Variants in PARD3 observed in about 807,000 individuals in gnomAD.
PARD3 encodes par-3 family cell polarity regulator, also known as partitioning defective 3 homolog.
PARD3 carries 75 observed loss-of-function variants against 155.4 expected under a neutral mutation model. The observed-to-expected ratio is 0.48, with a 90% CI of 0.40 to 0.58. The LOEUF (loss-of-function observed/expected upper bound fraction) is 0.58, where lower values mean the gene tolerates loss of function less well. Ranked by LOEUF, PARD3 falls within the 20% of genes least tolerant of loss-of-function variation. The probability of loss-of-function intolerance (pLI) is 0.00; values close to 1 mark genes in which losing one functional copy is unlikely to be tolerated. For missense variants in PARD3, 1,642 were observed against 1,721.7 expected, an observed-to-expected ratio of 0.95 and a Z score of 0.82; for synonymous variants, 576 against 610.5, an observed-to-expected ratio of 0.94 and a Z score of 0.83.
intron 2 of PARD3, among the ~76,000 whole-genome samples, chr10:34,519,156 T>C (rs1297027578): frequency 6.6e-6 from 1 of 152,054 alleles, no homozygotes; most frequent in Non-Finnish European, 1.5e-5. Flanking sequence ...GAGGAAATTG[T>C]GCAAATTGGA....
intron 3 of PARD3, among the ~76,000 whole-genome samples, chr10:34,510,643 A>C (rs1285140629): frequency 1.3e-5 from 2 of 152,166 alleles, no homozygotes; most frequent in African/African-American, 4.8e-5. Flanking sequence ...AAAAGTAATT[A>C]AATAAACCTT....
chr10:34,636,074 G>A (rs2092460015), intron 2 of PARD3, among the ~76,000 whole-genome samples: 1 of 151,688 alleles, frequency 6.6e-6, no homozygotes, highest in African/African-American at 2.4e-5. Context: ...AAGAAGGAAG[G>A]AAGGAAGAAG....
intron 2 of PARD3, among the ~76,000 whole-genome samples, chr10:34,610,505 A>G (rs1421742447): frequency 6.6e-6 from 1 of 152,210 alleles, no homozygotes; most frequent in Non-Finnish European, 1.5e-5. Flanking sequence ...TAACCCAAAA[A>G]GGGTTACGTG....
At chr10:34,158,959 T>C (rs1255415666) in intron 22 of PARD3, among the ~76,000 whole-genome samples, 1 of 152,232 alleles carries the variant, frequency 6.6e-6, no homozygotes, top group Non-Finnish European at 1.5e-5. Context: ...TGCCCATATC[T>C]TTCCATCAGA....
At chr10:34,569,680 G>A (rs898824370) in intron 2 of PARD3, among the ~76,000 whole-genome samples, 11 of 152,112 alleles carry the variant, frequency 7.2e-5, no homozygotes, top group African/African-American at 2.7e-4. Context: ...GCCTGCCAAA[G>A]TGCTGGGATT....
At chr10:34,532,247 T>C (rs533334218) in intron 2 of PARD3, among the ~76,000 whole-genome samples, 25 of 152,288 alleles carry the variant, frequency 1.6e-4, no homozygotes, top group African/African-American at 5.8e-4. Flanking sequence ...ATTTTTAAAT[T>C]TTTTTCCTTA....
chr10:34,391,681 T>C (rs1163669939), intron 7 of PARD3, among the ~76,000 whole-genome samples: 1 of 152,200 alleles, frequency 6.6e-6, no homozygotes, highest in Admixed American at 6.5e-5. Flanking sequence ...AACTTTTATA[T>C]TTCAGTGATT....
At chr10:34,367,476 C>T (rs960404836) in intron 12 of PARD3, among the ~76,000 whole-genome samples, 9 of 152,108 alleles carry the variant, frequency 5.9e-5, no homozygotes, top group African/African-American at 1.7e-4. Flanking sequence ...GAGGCAGAGG[C>T]GGGCAGATCA....
Position 34,379,295 on chromosome 10 carries a change from C to T in PARD3, c.1400-1189G>A, listed in dbSNP as rs528047169. ...TAAAGGAGAAATAAAGAAAACACTC[C>T]ATAGTTATTCCTGTAGCAAAACCTA... On this transcript the variant is annotated intron_variant, in intron 9 of 24. Coordinates refer to ENST00000374788, the MANE Select transcript of PARD3 (RefSeq NM_001184785.2). Among the ~76,000 whole-genome samples the T allele has an allele frequency of 3.9e-5, 6 of 152,142 alleles. No homozygotes were observed. In the South Asian group the frequency reaches 1.2e-3, roughly 32 times the overall value.
chr10:34,407,196 G>A (rs908510091), intron 5 of PARD3, among the ~76,000 whole-genome samples: 1 of 152,172 alleles, frequency 6.6e-6, no homozygotes, highest in African/African-American at 2.4e-5. Flanking sequence ...ATTCTGAAAT[G>A]CCTGCCAAGG....
At position 34,482,345 on chromosome 10, in the gene PARD3, T is replaced by C. The variant is rs376598724; in HGVS notation, c.404-12082A>G. 2.4e-4 allele frequency among the ~76,000 whole-genome samples: 37 copies of C among 152,076 alleles called. No homozygotes were observed. In the South Asian group the frequency reaches 7.5e-3, roughly 31 times the overall value. ...TCATGCCCGACCTGGCTAATGTTTC[T>C]ATTTTTTAAATTAATGGGTCTCGCT... On this transcript the variant is annotated intron_variant, in intron 3 of 24. Transcript: ENST00000374788.
chr10:34,776,841 G>C (rs1031256747), intron 1 of PARD3, among the ~76,000 whole-genome samples: 14 of 129,626 alleles, frequency 1.1e-4, no homozygotes, highest in South Asian at 3.1e-4. Flanking sequence ...TTTGTGGGGG[G>C]GGGGGGCGGG....
At chr10:34,204,694 G>A (rs752869150) in intron 22 of PARD3, among the ~76,000 whole-genome samples, 17 of 147,230 alleles carry the variant, frequency 1.2e-4, no homozygotes, top group East Asian at 3.8e-4. Flanking sequence ...GTGTGCTTAC[G>A]TTACATTCCC....
chr10:34,537,651 T>C (rs941771089), intron 2 of PARD3, among the ~76,000 whole-genome samples: 4 of 152,208 alleles, frequency 2.6e-5, no homozygotes, highest in Admixed American at 6.5e-5. Flanking sequence ...ATCACTTTCA[T>C]ACACCAGTCC....
At chr10:34,259,867 G>T (rs548294866) in intron 22 of PARD3, among the ~76,000 whole-genome samples, 3 of 152,224 alleles carry the variant, frequency 2.0e-5, no homozygotes, top group South Asian at 4.2e-4. Flanking sequence ...GGAGCGCAGG[G>T]TCTCATTCTG....
At chr10:34,372,091 T>A (rs1429457408) in intron 12 of PARD3, among the ~76,000 whole-genome samples, 1 of 152,138 alleles carries the variant, frequency 6.6e-6, no homozygotes, top group Admixed American at 6.6e-5. Flanking sequence ...CTGTGTATAC[T>A]TTTTTTACTG....
chr10:34,404,758 C>A (rs1354855470), intron 5 of PARD3, among the ~76,000 whole-genome samples: 1 of 152,040 alleles, frequency 6.6e-6, no homozygotes, highest in Admixed American at 6.6e-5. Flanking sequence ...TTCCATGTTT[C>A]TATCCCTTCT....
chr10:34,808,339 T>G (rs4934662), intron 1 of PARD3, among the ~76,000 whole-genome samples: 53,612 of 151,960 alleles, frequency 0.35, 10,599 homozygotes, highest in African/African-American at 0.55. Context: ...AAGAAAAAAC[T>G]TGTAAATAAT....
intron 1 of PARD3, among the ~76,000 whole-genome samples, chr10:34,792,051 C>T (rs1008350817): frequency 6.6e-6 from 1 of 152,158 alleles, no homozygotes; most frequent in African/African-American, 2.4e-5. Flanking sequence ...GTGCTCGCCT[C>T]GTGACATGCG....
Sources: gnomAD v4.1 joint callset for allele counts (sites outside exome capture counted in the v4.1 genomes callset) on GRCh38, gnomAD v4.1.1 for gene constraint, MANE v1.5 for transcripts, NCBI Gene and HGNC (gene_info 2026-07-23, HGNC 2026-07-21) for gene names.